JAZF1: variants seen among roughly 807,000 people sequenced by gnomAD.
JAZF1 encodes JAZF zinc finger 1.
In JAZF1, 8 loss-of-function variants were observed where a neutral mutation model predicts 26.4. That is an observed-to-expected ratio of 0.30 (90% CI 0.18 to 0.55). JAZF1 has a LOEUF of 0.55. JAZF1 is among the 20% of genes least tolerant of loss of function. The pLI is 0.94. For missense variants in JAZF1, 199 were observed against 322.0 expected, an observed-to-expected ratio of 0.62 and a Z score of 2.92; for synonymous variants, 126 against 122.3, an observed-to-expected ratio of 1.03 and a Z score of -0.20.
chr7:28,160,551 T>G (rs959671368), intron 1 of JAZF1, among the ~76,000 whole-genome samples: 2 of 152,126 alleles, frequency 1.3e-5, no homozygotes, highest in African/African-American at 4.8e-5. Flanking sequence ...TGCTGCAAAC[T>G]CTAAGATTCT....
In JAZF1 at chr7:27,840,176, C is replaced by T. The variant is rs1347144687; in HGVS notation, c.555+522G>A. Among the ~76,000 whole-genome samples the T allele has an allele frequency of 6.6e-6, 1 of 152,054 alleles. No homozygotes were observed. Among genetic ancestry groups the T allele is most frequent in the Non-Finnish European group, 1.5e-5 (1 of 68,002 alleles). On this transcript the variant is annotated intron_variant, in intron 4 of 4. Transcript: ENST00000283928. The surrounding 1 kb of genome is among the most constrained non-coding windows in gnomAD (Gnocchi z 5.1). Reference sequence around the variant, plus strand: ...GAAAAATATCAAAGGCCTTTTTTCTCCTGATCCCCTTTCATGCCACTGGGT... The same window carrying T: ...GAAAAATATCAAAGGCCTTTTTTCTTCTGATCCCCTTTCATGCCACTGGGT...
chr7:27,938,552 G>A (rs1784793364), intron 2 of JAZF1, among the ~76,000 whole-genome samples: 1 of 152,212 alleles, frequency 6.6e-6, no homozygotes, highest in South Asian at 2.1e-4. Context: ...GTTACCTCAT[G>A]TGTGAAATGG....
At chr7:28,106,487 C>T (rs890391390) in intron 1 of JAZF1, among the ~76,000 whole-genome samples, 2 of 152,116 alleles carry the variant, frequency 1.3e-5, no homozygotes, top group South Asian at 2.1e-4. Context: ...GGATCTGACA[C>T]GTGTTAATAC....
chr7:28,044,535 A>T (rs1235467913), intron 1 of JAZF1, among the ~76,000 whole-genome samples: 2 of 152,148 alleles, frequency 1.3e-5, no homozygotes, highest in East Asian at 1.9e-4. Flanking sequence ...ATATGCCAAA[A>T]ATTTTAAGAG....
At chr7:28,063,805 C>G (rs867983559) in intron 1 of JAZF1, among the ~76,000 whole-genome samples, 52 of 152,178 alleles carry the variant, frequency 3.4e-4, no homozygotes, top group Admixed American at 2.2e-3. Context: ...CACCAGCATG[C>G]AAATAACTTG....
At chr7:28,096,442 T>G (rs564875872) in intron 1 of JAZF1, among the ~76,000 whole-genome samples, 1 of 152,348 alleles carries the variant, frequency 6.6e-6, no homozygotes, top group South Asian at 2.1e-4. Flanking sequence ...ACAGACATAA[T>G]GAAAATCTTA....
At chr7:28,071,549 G>GT (rs1338613256) in intron 1 of JAZF1, 1 of 466,344 alleles carries the variant, frequency 2.1e-6, no homozygotes, top group Non-Finnish European at 4.4e-6. Flanking sequence ...ACAAAAGTTA[G>GT]TATGTCCCAT....
At chr7:28,029,126 G>C (rs1215279233) in intron 1 of JAZF1, among the ~76,000 whole-genome samples, 1 of 151,988 alleles carries the variant, frequency 6.6e-6, no homozygotes, top group Non-Finnish European at 1.5e-5. Flanking sequence ...GTGATTCAAG[G>C]GACTGCGCCG....
chr7:28,003,556 G>A (rs532711232), intron 1 of JAZF1, among the ~76,000 whole-genome samples: 3 of 152,256 alleles, frequency 2.0e-5, no homozygotes, highest in East Asian at 1.9e-4. Flanking sequence ...ATGAGTGTGC[G>A]CACAACTTCC....
At chr7:28,025,738 TGCA>T (rs1303191649) in intron 1 of JAZF1, among the ~76,000 whole-genome samples, 6 of 152,324 alleles carry the variant, frequency 3.9e-5, no homozygotes, top group Admixed American at 6.5e-5. Context: ...ATATGGCCCT[TGCA>T]GCAGCAGATG....
At chr7:28,135,203 A>G (rs555001117) in intron 1 of JAZF1, among the ~76,000 whole-genome samples, 50 of 152,366 alleles carry the variant, frequency 3.3e-4, no homozygotes, top group African/African-American at 1.2e-3. Flanking sequence ...CTTAAATGTG[A>G]ACATGTAAAC....
chr7:28,165,177 A>G (rs1305036728), intron 1 of JAZF1, among the ~76,000 whole-genome samples: 1 of 152,194 alleles, frequency 6.6e-6, no homozygotes, highest in Non-Finnish European at 1.5e-5. Context: ...TCAAAAGAAA[A>G]AAACAAAAAC....
Position 28,180,522 on chromosome 7 carries a change from C to G in JAZF1, c.56G>C (p.Cys19Ser). The G allele has an allele frequency of 6.2e-7, 1 of 1,610,738 alleles. No individual in the cohort carries two copies. The highest frequency in any genetic ancestry group is 8.5e-7 in the Non-Finnish European group (1 of 1,178,882). The change falls in exon 1 of 5, where the codon TGC (cysteine) becomes TCC (serine). Residue 19 changes from cysteine (C) to serine (S), a missense_variant. Around this residue, in one of 2 missense-constraint regions of JAZF1, gnomAD observed 137 missense variants for 184.8 expected, o/e 0.74. Coordinates refer to ENST00000283928, the MANE Select transcript of JAZF1 (RefSeq NM_175061.4). The stretch of plus-strand genomic sequence containing the variant: ...GGCCAGGGTGGGGAAGTGGAGTCCG[C>G]AGCCCCCGAATCGGCAGGTATTGGA... ...FFSNTCRFGG[C>S]GLHFPTLADL...
At chr7:28,117,586 T>A (rs1448274211) in intron 1 of JAZF1, among the ~76,000 whole-genome samples, 1 of 152,202 alleles carries the variant, frequency 6.6e-6, no homozygotes, top group Non-Finnish European at 1.5e-5. Flanking sequence ...GCTACCCACT[T>A]GGCCCAATAA....
At chr7:27,901,084 TAAAG>T (rs1345741140) in intron 2 of JAZF1, among the ~76,000 whole-genome samples, 1 of 152,088 alleles carries the variant, frequency 6.6e-6, no homozygotes, top group African/African-American at 2.4e-5. Flanking sequence ...GAATATTTCT[TAAAG>T]AAAAAAAGTC....
intron 1 of JAZF1, among the ~76,000 whole-genome samples, chr7:28,091,765 T>C (rs1412147279): frequency 6.6e-6 from 1 of 152,112 alleles, no homozygotes; most frequent in African/African-American, 2.4e-5. Flanking sequence ...TCAACATTCA[T>C]ATTGCTGTTA....
chr7:28,130,529 G>T (rs565904899), intron 1 of JAZF1, among the ~76,000 whole-genome samples: 1 of 152,244 alleles, frequency 6.6e-6, no homozygotes, highest in African/African-American at 2.4e-5. Context: ...GGCCTGCCTG[G>T]TATCAGACAG....
At chr7:28,149,550 C>T (rs188951769) in intron 1 of JAZF1, among the ~76,000 whole-genome samples, 3 of 152,240 alleles carry the variant, frequency 2.0e-5, no homozygotes, top group East Asian at 1.9e-4. Flanking sequence ...CCTCCCTCAC[C>T]GGTGAACTTC....
chr7:27,832,780 G>T lies in JAZF1; in HGVS notation c.*20C>A. ...AGCAACTGCTGGTGAGGATTTCTTG[G>T]CACAGTTATGACCAGCATGTTATTG... On this transcript the variant is annotated 3_prime_UTR_variant, in exon 5 of 5. Coordinates refer to ENST00000283928, the MANE Select transcript of JAZF1 (RefSeq NM_175061.4). The T allele has an allele frequency of 6.9e-7, 1 of 1,458,106 alleles. No individual in the cohort carries two copies. Among genetic ancestry groups the T allele is most frequent in the Non-Finnish European group, 9.1e-7 (1 of 1,094,284 alleles). The allele number at this position is 1,458,106 out of a possible 1,614,324, so 90.3% of individuals were successfully genotyped here.
Sources: gnomAD v4.1 joint callset for allele counts (sites outside exome capture counted in the v4.1 genomes callset) on GRCh38, gnomAD v4.1.1 for gene constraint, gnomAD v4.1.1 regional missense constraint, Gnocchi (gnomAD v3.1) non-coding constraint, MANE v1.5 for transcripts, NCBI Gene and HGNC (gene_info 2026-07-23, HGNC 2026-07-21) for gene names.